Variants in BRD1 observed in about 807,000 individuals in gnomAD.
The protein encoded by BRD1 is bromodomain containing 1.
Under a neutral mutation model 107.7 loss-of-function variants are expected in BRD1, and 24 were observed. The ratio of observed to expected loss-of-function variants is 0.22; its 90% CI spans 0.16 to 0.31. BRD1 has a LOEUF of 0.31. Among genes scored for constraint, BRD1 ranks in the 10% least tolerant of loss-of-function variants. The pLI is 1.00. For synonymous variants in BRD1, 744 were observed against 686.1 expected (o/e 1.08, Z -1.32); for missense variants, 1,279 against 1,638.6 (o/e 0.78, Z 3.79).
chr22:49,786,908 C>T (rs962100848), intron 8 of BRD1, among the ~76,000 whole-genome samples: 1 of 140,592 alleles, frequency 7.1e-6, no homozygotes, highest in African/African-American at 3.0e-5. Flanking sequence ...GCCGGGACAA[C>T]ACAGCGAGAC....
intron 2 of BRD1, among the ~76,000 whole-genome samples, chr22:49,813,816 G>A (rs1236630917): frequency 5.3e-5 from 8 of 150,076 alleles, no homozygotes; most frequent in Admixed American, 2.0e-4. Flanking sequence ...GTGACAGAGT[G>A]AGACTCCATT....
At position 49,799,421 on chromosome 22, in the gene BRD1, C is replaced by CG. The variant is rs575392576; in HGVS notation, c.1525-303dup. Among the ~76,000 whole-genome samples, 1,398 of 151,854 alleles carry CG rather than the reference C, an allele frequency of 9.2e-3. 4 individuals are homozygous for CG. The highest frequency in any genetic ancestry group is 0.022 in the African/African-American group (906 of 41,410). On this transcript the variant is annotated intron_variant, in intron 3 of 12. Coordinates refer to ENST00000404760, the MANE Select transcript of BRD1 (RefSeq NM_001304808.3). ...GACAGAGGCCTCCGCAAGCTGGCGGCGGGGGGGGCCTTCACAGAACCAGAA... is the reference window on the plus strand; with the variant it reads ...GACAGAGGCCTCCGCAAGCTGGCGGCGGGGGGGGGCCTTCACAGAACCAGAA...
intron 8 of BRD1, among the ~76,000 whole-genome samples, chr22:49,778,547 C>T (rs559153121): frequency 1.1e-4 from 16 of 152,346 alleles, no homozygotes; most frequent in African/African-American, 3.1e-4. Flanking sequence ...TGTCAGTCAA[C>T]GGGAAACAAC....
At chr22:49,807,157 G>A (rs1297460275) in intron 2 of BRD1, 1 of 152,112 alleles carries the variant, frequency 6.6e-6, no homozygotes, top group Non-Finnish European at 1.5e-5. Context: ...ATGCACTAGG[G>A]AACGTATGGA....
chr22:49,815,848 G>A (rs1019889490), intron 2 of BRD1, among the ~76,000 whole-genome samples: 3 of 152,190 alleles, frequency 2.0e-5, no homozygotes, highest in African/African-American at 4.8e-5. Context: ...TCCTTCCAAT[G>A]TGTCGTCCTG....
chr22:49,799,168 C>T (rs745503047), intron 3 of BRD1, 49 bp from the exon 4 acceptor site: 1 of 1,581,954 alleles, frequency 6.3e-7, no homozygotes, highest in Non-Finnish European at 8.6e-7. Context: ...GCTCCTTCTG[C>T]AAAAGGCCTC....
At chr22:49,818,500 G>T in intron 2 of BRD1, 1 of 513,320 alleles carries the variant, frequency 1.9e-6, no homozygotes, top group Non-Finnish European at 2.6e-6. Flanking sequence ...ACTCTCATGT[G>T]AATGAGTCCT....
In BRD1 at chr22:49,774,299, G is replaced by A. The variant is rs1423682791; in HGVS notation, c.3504C>T (p.Asp1168=). The change falls in exon 13 of 13, where the codon GAC becomes GAT. Residue 1168 remains aspartate (D), a synonymous_variant. Transcript: ENST00000404760. ...SIRKAVRIAF[D]RAMNHLSRVH... ...CGCGGCTCAGGTGGTTCATGGCGCG[G>A]TCAAAAGCGATCCGCACGGCCTTCC... 4 of 1,614,234 alleles carry A rather than the reference G, an allele frequency of 2.5e-6. No homozygotes were observed. In the South Asian group the frequency reaches 4.4e-5, roughly 18 times the overall value.
intron 2 of BRD1, chr22:49,817,315 A>G (rs1415393955): frequency 1.0e-5 from 2 of 198,256 alleles, no homozygotes; most frequent in South Asian, 1.1e-4. Context: ...GAAGCCAAAG[A>G]GAAATAAAAA....
chr22:49,796,998 C>A (rs562152264), intron 6 of BRD1, among the ~76,000 whole-genome samples: 1 of 152,204 alleles, frequency 6.6e-6, no homozygotes. Flanking sequence ...CCAAACACAC[C>A]GTGATTTCTG....
intron 6 of BRD1, among the ~76,000 whole-genome samples, chr22:49,795,702 C>A (rs1303337408): frequency 1.3e-5 from 2 of 152,208 alleles, no homozygotes; most frequent in African/African-American, 4.8e-5. Flanking sequence ...CAGCGGGCAC[C>A]AGGTGGGCGT....
At chr22:49,820,050 A>G (rs2060035296) in intron 2 of BRD1, among the ~76,000 whole-genome samples, 1 of 151,966 alleles carries the variant, frequency 6.6e-6, no homozygotes, top group Non-Finnish European at 1.5e-5. Flanking sequence ...GAATCACTTG[A>G]ACCCAGGAGG....
At chr22:49,808,954 T>C (rs935718497) in intron 2 of BRD1, among the ~76,000 whole-genome samples, 5 of 151,066 alleles carry the variant, frequency 3.3e-5, no homozygotes, top group African/African-American at 1.2e-4. Flanking sequence ...CCATCTCTAC[T>C]AAAAATACAA....
At chr22:49,819,291 TAAC>T (rs1011372029) in intron 2 of BRD1, among the ~76,000 whole-genome samples, 1 of 147,748 alleles carries the variant, frequency 6.8e-6, no homozygotes, top group African/African-American at 2.5e-5. Flanking sequence ...AAAGAAAAAA[TAAC>T]AATAAATCAA....
At position 49,811,271 on chromosome 22, in the gene BRD1, A is replaced by G. The variant is rs141692144; in HGVS notation, c.1368-6911T>C. Among the ~76,000 whole-genome samples, 1,396 of 152,296 alleles carry G rather than the reference A, an allele frequency of 9.2e-3. 25 individuals carry two copies. Among genetic ancestry groups the G allele is most frequent in the African/African-American group, 0.032 (1,351 of 41,570 alleles). ...GATGAGAAGGTGGGAAGTTGGGGTA[A>G]TGGCTAAGAGGCACAGGGTTTCCTT... On this transcript the variant is annotated intron_variant, in intron 2 of 12. Coordinates refer to ENST00000404760, the MANE Select transcript of BRD1 (RefSeq NM_001304808.3).
rs780837839 is a variant in BRD1 at position 49,777,108 on chromosome 22, G to T, written c.3047C>A (p.Thr1016Lys). ...GATCAGCTCACTGCGGTCCTCCAGC[G>T]TGTGCCGTCGCACAAGAGCCGGTTT... is the stretch of plus-strand genomic sequence containing the variant. ...RGKPALVRRH[T>K]LEDRSELISC... The change falls in exon 10 of 13, where the codon ACG becomes AAG. Residue 1016 changes from threonine (T) to lysine (K), a missense_variant. Thr to Lys is a moderately conservative substitution (Grantham distance 78). Around this residue, in one of 7 missense-constraint regions of BRD1, gnomAD observed 263 missense variants for 251.6 expected, o/e 1.05. Transcript: ENST00000404760. The T allele has an allele frequency of 6.2e-7, 1 of 1,613,250 alleles. No individual in the cohort carries two copies. The highest frequency in any genetic ancestry group is 8.5e-7 in the Non-Finnish European group (1 of 1,180,012).
chr22:49,824,066 A>G lies in BRD1; in HGVS notation c.252T>C (p.Pro84=). The change falls in exon 2 of 13, where the codon CCT becomes CCC. Residue 84 remains proline (P), a synonymous_variant. Coordinates refer to ENST00000404760, the MANE Select transcript of BRD1 (RefSeq NM_001304808.3). The surrounding 1 kb of genome is among the most constrained non-coding windows in gnomAD (Gnocchi z 5.9). ...NSNKENSERP[P]VCLRTKRHKN... Reference sequence around the variant, plus strand: ...TGTGACGCTTAGTTCTTAAGCAGACAGGAGGCCGCTCGCTGTTTTCCTTGT... The same window carrying G: ...TGTGACGCTTAGTTCTTAAGCAGACGGGAGGCCGCTCGCTGTTTTCCTTGT... 3 of 1,614,022 alleles carry G rather than the reference A, an allele frequency of 1.9e-6. No individual in the cohort carries two copies. The highest frequency in any genetic ancestry group is 1.7e-5 in the Admixed American group (1 of 60,028).
At chr22:49,802,179 G>T (rs1226272813) in intron 3 of BRD1, among the ~76,000 whole-genome samples, 4 of 147,582 alleles carry the variant, frequency 2.7e-5, no homozygotes, top group Admixed American at 1.3e-4. Context: ...CAACATCGCG[G>T]GGGCCGAGAC....
chr22:49,809,766 G>A (rs973151423), intron 2 of BRD1, among the ~76,000 whole-genome samples: 3 of 152,050 alleles, frequency 2.0e-5, no homozygotes, highest in African/African-American at 4.8e-5. Context: ...TTCCAAATGC[G>A]TACACACTGC....
Sources: gnomAD v4.1 joint callset for allele counts (sites outside exome capture counted in the v4.1 genomes callset) on GRCh38, gnomAD v4.1.1 for gene constraint, gnomAD v4.1.1 regional missense constraint, Gnocchi (gnomAD v3.1) non-coding constraint, MANE v1.5 for transcripts, NCBI Gene and HGNC (gene_info 2026-07-23, HGNC 2026-07-21) for gene names.